Variants in CCSER1 observed in about 807,000 individuals in gnomAD.
The protein encoded by CCSER1 is serine-rich coiled-coil domain-containing protein 1.
In CCSER1, 41 loss-of-function variants were observed where a neutral mutation model predicts 82.0. The ratio of observed to expected loss-of-function variants is 0.50; its 90% CI spans 0.39 to 0.65. The LOEUF (loss-of-function observed/expected upper bound fraction) is 0.65, where lower values mean the gene tolerates loss of function less well. CCSER1 is among the 30% of genes least tolerant of loss of function. The pLI, the probability that CCSER1 is intolerant of heterozygous loss-of-function variation, is 0.00. For missense variants in CCSER1, 1,119 were observed against 1,064.2 expected, an observed-to-expected ratio of 1.05 and a Z score of -0.72; for synonymous variants, 414 against 383.9, an observed-to-expected ratio of 1.08 and a Z score of -0.92.
At chr4:91,039,370 G>A (rs1210856084) in intron 9 of CCSER1, among the ~76,000 whole-genome samples, 1 of 152,026 alleles carries the variant, frequency 6.6e-6, no homozygotes, top group East Asian at 1.9e-4. Flanking sequence ...AGCCCAACAT[G>A]GGATCATGTT....
At chr4:90,761,373 T>C (rs1288495640) in intron 7 of CCSER1, among the ~76,000 whole-genome samples, 1 of 152,154 alleles carries the variant, frequency 6.6e-6, no homozygotes, top group Non-Finnish European at 1.5e-5. Flanking sequence ...AAGTCTTCCT[T>C]AGCAAATAAA....
At chr4:90,762,263 C>A (rs1185873308) in intron 7 of CCSER1, among the ~76,000 whole-genome samples, 1 of 152,122 alleles carries the variant, frequency 6.6e-6, no homozygotes, top group Non-Finnish European at 1.5e-5. Flanking sequence ...TTTGACACTT[C>A]TCCTTGCTGC....
chr4:91,055,742 GCCCCTCTC>G (rs1295513570), intron 9 of CCSER1, among the ~76,000 whole-genome samples: 1 of 133,930 alleles, frequency 7.5e-6, no homozygotes, highest in African/African-American at 2.9e-5. Flanking sequence ...CTTCCCCTCT[GCCCCTCTC>G]CCCCTCTCCC....
chr4:90,278,594 T>A (rs1250137828), intron 1 of CCSER1, among the ~76,000 whole-genome samples: 1 of 151,916 alleles, frequency 6.6e-6, no homozygotes, highest in Non-Finnish European at 1.5e-5. Flanking sequence ...AAATACTTCA[T>A]GTTATTACTT....
At chr4:91,074,368 A>G (rs556652084) in intron 9 of CCSER1, among the ~76,000 whole-genome samples, 5 of 152,334 alleles carry the variant, frequency 3.3e-5, no homozygotes, top group African/African-American at 9.6e-5. Context: ...AGATAATGCC[A>G]ATAAGGGCAG....
intron 10 of CCSER1, among the ~76,000 whole-genome samples, chr4:91,166,215 T>A (rs546830185): frequency 6.6e-6 from 1 of 152,224 alleles, no homozygotes. Context: ...TCAAGAGGCA[T>A]ATTGGTTGAC....
At chr4:90,825,452 G>C (rs1760286307) in intron 8 of CCSER1, among the ~76,000 whole-genome samples, 2 of 152,124 alleles carry the variant, frequency 1.3e-5, no homozygotes, top group Admixed American at 1.3e-4. Flanking sequence ...TAAGTAGTCA[G>C]TGGGACATAA....
At chr4:90,566,663 C>T (rs1225407597) in intron 5 of CCSER1, among the ~76,000 whole-genome samples, 2 of 149,462 alleles carry the variant, frequency 1.3e-5, no homozygotes, top group African/African-American at 5.0e-5. Context: ...AGTGCAGTGG[C>T]GCAATCTCGG....
At chr4:91,426,608 A>G (rs1316708626) in intron 10 of CCSER1, among the ~76,000 whole-genome samples, 1 of 152,174 alleles carries the variant, frequency 6.6e-6, no homozygotes, top group East Asian at 1.9e-4. Flanking sequence ...AACTTAGTCT[A>G]TTGTATTTAA....
intron 8 of CCSER1, among the ~76,000 whole-genome samples, chr4:90,910,666 A>C (rs1020011721): frequency 6.6e-6 from 1 of 152,246 alleles, no homozygotes; most frequent in African/African-American, 2.4e-5. Flanking sequence ...GCTGAATAAA[A>C]ATAAATATGT....
chr4:90,417,461 G>A (rs1755986910), intron 4 of CCSER1, among the ~76,000 whole-genome samples: 1 of 151,710 alleles, frequency 6.6e-6, no homozygotes, highest in African/African-American at 2.4e-5. Context: ...TTGCAGAAGA[G>A]TTTTTAAATT....
At chr4:90,454,359 G>A (rs1452445523) in intron 4 of CCSER1, among the ~76,000 whole-genome samples, 2 of 151,858 alleles carry the variant, frequency 1.3e-5, no homozygotes, top group East Asian at 3.9e-4. Flanking sequence ...GATGTCTGGG[G>A]CTGCCCGAGT....
intron 3 of CCSER1, among the ~76,000 whole-genome samples, chr4:90,342,147 G>T (rs536732119): frequency 6.6e-6 from 1 of 152,278 alleles, no homozygotes; most frequent in African/African-American, 2.4e-5. Flanking sequence ...GAATACAAGA[G>T]ATTTGAAAGC....
chr4:91,562,636 A>T (rs1762707506), intron 10 of CCSER1, among the ~76,000 whole-genome samples: 1 of 151,564 alleles, frequency 6.6e-6, no homozygotes, highest in South Asian at 2.1e-4. Context: ...GGCCAAAAAG[A>T]AATTGAATGA....
At position 91,467,337 on chromosome 4, in the gene CCSER1, C is replaced by T. The variant is rs188472912; in HGVS notation, c.2218-131235C>T. ...AACTGGATCCCTTCCTTACACCTTA[C>T]ACAAAAATTAATTCAAGATGGATTA... On this transcript the variant is annotated intron_variant, in intron 10 of 10. Transcript: ENST00000509176. 4.4e-3 allele frequency among the ~76,000 whole-genome samples: 677 copies of T among 152,206 alleles called. 2 individuals are homozygous for T. The highest frequency in any genetic ancestry group is 7.0e-3 in the Non-Finnish European group (473 of 68,006).
At chr4:90,519,046 G>A (rs1006371910) in intron 5 of CCSER1, among the ~76,000 whole-genome samples, 1 of 151,742 alleles carries the variant, frequency 6.6e-6, no homozygotes, top group African/African-American at 2.4e-5. Context: ...GACAGAATTT[G>A]TACTTTAAAT....
intron 8 of CCSER1, among the ~76,000 whole-genome samples, chr4:90,847,797 T>C (rs993533804): frequency 6.6e-6 from 1 of 152,200 alleles, no homozygotes; most frequent in Non-Finnish European, 1.5e-5. Flanking sequence ...TAATTTTTTG[T>C]TGTTGCTTTT....
intron 9 of CCSER1, among the ~76,000 whole-genome samples, chr4:90,930,939 T>TATATAC (rs749253663): frequency 0.064 from 8,583 of 134,584 alleles, 434 homozygotes; most frequent in Non-Finnish European, 0.096. Context: ...TATATATATA[T>TATATAC]ACACATGACA....
chr4:91,145,940 C>T (rs1729489300), intron 10 of CCSER1, among the ~76,000 whole-genome samples: 1 of 152,052 alleles, frequency 6.6e-6, no homozygotes, highest in South Asian at 2.1e-4. Context: ...TGGGGATGTT[C>T]GTCTGATATA....
Sources: gnomAD v4.1 joint callset for allele counts (sites outside exome capture counted in the v4.1 genomes callset) on GRCh38, gnomAD v4.1.1 for gene constraint, MANE v1.5 for transcripts, NCBI Gene and HGNC (gene_info 2026-07-23, HGNC 2026-07-21) for gene names.